PEX7: variants seen among roughly 807,000 people sequenced by gnomAD.
The protein encoded by PEX7 is PTS2 receptor.
PEX7 carries 34 observed loss-of-function variants against 47.5 expected under a neutral mutation model. That is an observed-to-expected ratio of 0.72 (90% confidence interval 0.54 to 0.95). PEX7 has a LOEUF of 0.95. Among genes scored for constraint, PEX7 ranks in the 40% least tolerant of loss-of-function variants. PEX7 has a pLI of 0.00. For missense variants in PEX7, 394 were observed against 400.3 expected (o/e 0.98, Z 0.13); for synonymous variants, 141 against 148.8 (o/e 0.95, Z 0.38).
intron 9 of PEX7, among the ~76,000 whole-genome samples, chr6:136,913,124 C>T (rs868770756): frequency 3.9e-5 from 6 of 152,164 alleles, no homozygotes; most frequent in African/African-American, 1.2e-4. Context: ...CAGTCTGGAA[C>T]GTATCTTTTC....
Position 136,825,341 on chromosome 6 carries a change from T to C in PEX7, c.188+70T>C, listed in dbSNP as rs1774168587. 43 of 1,250,444 alleles carry C rather than the reference T, an allele frequency of 3.4e-5. 2 individuals are homozygous for C. In the South Asian group the frequency reaches 5.0e-4, roughly 15 times the overall value. The allele number at this position is 1,250,444 out of a possible 1,614,324, so 77.5% of individuals were successfully genotyped here. On this transcript the variant is annotated intron_variant, in intron 2 of 9. Coordinates refer to ENST00000318471, the MANE Select transcript of PEX7 (RefSeq NM_000288.4). Reference sequence around the variant, plus strand: ...AGCCTTAATAGAATTAGGTTTTGACTCTTTGATTAATGTTTTAATATACAG... The same window carrying C: ...AGCCTTAATAGAATTAGGTTTTGACCCTTTGATTAATGTTTTAATATACAG...
chr6:136,822,971 G>GGA, intron 1 of PEX7, 176 bp downstream of exon 1: 12 of 985,484 alleles, frequency 1.2e-5, no homozygotes, highest in Non-Finnish European at 1.4e-5. Flanking sequence ...CCGAGTGCGA[G>GGA]GAGTTGGTCT....
At chr6:136,857,735 C>T (rs1392127041) in intron 5 of PEX7, among the ~76,000 whole-genome samples, 1 of 152,220 alleles carries the variant, frequency 6.6e-6, no homozygotes, top group African/African-American at 2.4e-5. Context: ...ATGGTATCCA[C>T]ATCATGGAGT....
chr6:136,886,575 T>C (rs1329169709), intron 8 of PEX7, among the ~76,000 whole-genome samples: 4 of 152,216 alleles, frequency 2.6e-5, no homozygotes, highest in African/African-American at 9.6e-5. Context: ...ATTCATGCCT[T>C]ACCTAGCATT....
At chr6:136,856,107 C>T (rs1268982803) in intron 5 of PEX7, among the ~76,000 whole-genome samples, 1 of 151,988 alleles carries the variant, frequency 6.6e-6, no homozygotes, top group Non-Finnish European at 1.5e-5. Context: ...TTGCTATAAT[C>T]ACAACACTTC....
At chr6:136,880,894 G>A (rs1032335260) in intron 8 of PEX7, among the ~76,000 whole-genome samples, 9 of 152,150 alleles carry the variant, frequency 5.9e-5, no homozygotes, top group Admixed American at 5.9e-4. Flanking sequence ...TCACATGGAG[G>A]CTCCCAGCTC....
At chr6:136,859,097 A>G (rs774293138) in intron 5 of PEX7, among the ~76,000 whole-genome samples, 1 of 152,238 alleles carries the variant, frequency 6.6e-6, no homozygotes, top group Non-Finnish European at 1.5e-5. Context: ...TTAAGATAAT[A>G]TATGAGAACG....
chr6:136,825,388 T>A, intron 2 of PEX7, 117 bp downstream of exon 2: 1 of 839,940 alleles, frequency 1.2e-6, no homozygotes, highest in Non-Finnish European at 2.0e-6. Context: ...CCTTGGCGTT[T>A]GCATAGGATG....
chr6:136,848,756 A>G (rs1774680201), intron 5 of PEX7, among the ~76,000 whole-genome samples: 1 of 152,084 alleles, frequency 6.6e-6, no homozygotes, highest in Non-Finnish European at 1.5e-5. Context: ...GTTTGCCAGT[A>G]TTTTACTGAG....
chr6:136,828,250 A>G (rs907339368), intron 3 of PEX7, among the ~76,000 whole-genome samples: 2 of 152,212 alleles, frequency 1.3e-5, no homozygotes, highest in African/African-American at 4.8e-5. Context: ...TGAGATAAGT[A>G]AGTAATGAAT....
chr6:136,908,457 A>G (rs944601327), intron 9 of PEX7, among the ~76,000 whole-genome samples: 2 of 152,168 alleles, frequency 1.3e-5, no homozygotes, highest in African/African-American at 2.4e-5. Flanking sequence ...CTGTAATGTC[A>G]GTAATTTTAA....
In PEX7 at chr6:136,872,250, T is replaced by C. The variant is rs774767950; in HGVS notation, c.800T>C (p.Val267Ala). 23 of 1,609,954 alleles carry C rather than the reference T, an allele frequency of 1.4e-5. 1 individual carries two copies. Among genetic ancestry groups the C allele is most frequent in the Non-Finnish European group, 1.9e-5 (22 of 1,178,232 alleles). Reference sequence around the variant, plus strand: ...GCCTCTTGCTCGTATGATTTTACTGTAAGGTACAGTGGTTTTTAATACATT... The same window carrying C: ...GCCTCTTGCTCGTATGATTTTACTGCAAGGTACAGTGGTTTTTAATACATT... ...VLASCSYDFT[V>A]RFWNFSKPDS... Residue 267 changes from valine to alanine, a missense_variant, in exon 8 of 10, where the codon GTA becomes GCA. Val to Ala is a moderately conservative substitution (Grantham distance 64). Coordinates refer to ENST00000318471, the MANE Select transcript of PEX7 (RefSeq NM_000288.4).
At chr6:136,857,276 C>A in intron 5 of PEX7, among the ~76,000 whole-genome samples, 1 of 152,194 alleles carries the variant, frequency 6.6e-6, no homozygotes. Context: ...TTTTACATAG[C>A]CGAATGCCTT....
At chr6:136,850,998 AT>A (rs71009515) in intron 5 of PEX7, among the ~76,000 whole-genome samples, 2,532 of 87,232 alleles carry the variant, frequency 0.029, 48 homozygotes, top group African/African-American at 0.077. Flanking sequence ...TTTATTTTTA[AT>A]TTTTTTTTTT....
At position 136,845,667 on chromosome 6, in the gene PEX7, G is replaced by T; in HGVS notation, c.392G>T (p.Gly131Val). The change falls in exon 4 of 10, where the codon GGC becomes GTC. Residue 131 changes from glycine to valine, a missense_variant. Gly to Val is a moderately radical substitution (Grantham distance 109). Transcript: ENST00000318471. ...AGAGGTGAACAGCTTGTGGTGTCTG[G>T]CTCATGGGATCAAACTGTCAAATTG... ...QTRGEQLVVS[G>V]SWDQTVKLWD... The T allele has an allele frequency of 6.2e-7, 1 of 1,608,478 alleles. No individual in the cohort carries two copies. Among genetic ancestry groups the T allele is most frequent in the Non-Finnish European group, 8.5e-7 (1 of 1,174,924 alleles).
intron 5 of PEX7, among the ~76,000 whole-genome samples, chr6:136,853,599 C>G (rs1325053725): frequency 6.6e-6 from 1 of 151,978 alleles, no homozygotes; most frequent in Non-Finnish European, 1.5e-5. Flanking sequence ...AAAAAATGAC[C>G]AAACCATCCT....
rs180782638 is a variant in PEX7, at chr6:136,852,040, C to T, written c.526+5859C>T. Among the ~76,000 whole-genome samples the T allele has an allele frequency of 6.1e-3, 587 of 96,420 alleles. 45 individuals carry two copies. In the East Asian group the frequency reaches 0.1, roughly 17 times the overall value. The allele number at this position is 96,420 out of a possible 152,430, so 63.3% of individuals were successfully genotyped here. On this transcript the variant is annotated intron_variant, in intron 5 of 9. Transcript: ENST00000318471. ...ATTTGTCAATTTTGGCTTTTGTTGC[C>T]ATTGCTTTTGGTGTTTTGGGCATGA...
intron 3 of PEX7, among the ~76,000 whole-genome samples, chr6:136,835,190 G>A (rs1774363123): frequency 6.6e-6 from 1 of 151,944 alleles, no homozygotes; most frequent in Non-Finnish European, 1.5e-5. Flanking sequence ...CTCCCAAAGT[G>A]TTGGGATTAC....
At chr6:136,869,748 C>CTTG in intron 6 of PEX7, 142 bp from the exon 7 acceptor site, 1 of 765,932 alleles carries the variant, frequency 1.3e-6, no homozygotes. Context: ...CCTGTCTATA[C>CTTG]TTGTTATACA....
Sources: gnomAD v4.1 joint callset for allele counts (sites outside exome capture counted in the v4.1 genomes callset) on GRCh38, gnomAD v4.1.1 for gene constraint, MANE v1.5 for transcripts, NCBI Gene and HGNC (gene_info 2026-07-23, HGNC 2026-07-21) for gene names.